CALN1: variants seen among roughly 807,000 people sequenced by gnomAD.
The protein encoded by CALN1 is calneuron 1.
CALN1 carries 17 observed loss-of-function variants against 30.6 expected under a neutral mutation model. The observed-to-expected ratio is 0.56, with a 90% confidence interval of 0.38 to 0.83. The LOEUF (loss-of-function observed/expected upper bound fraction) is 0.83. Ranked by LOEUF, CALN1 falls within the 40% of genes least tolerant of loss-of-function variation. The pLI is 0.00. For missense variants in CALN1, 291 were observed against 354.9 expected, an observed-to-expected ratio of 0.82 and a Z score of 1.45; for synonymous variants, 156 against 131.4, an observed-to-expected ratio of 1.19 and a Z score of -1.28.
chr7:72,327,290 T>C (rs1801346186), intron 2 of CALN1, among the ~76,000 whole-genome samples: 1 of 152,138 alleles, frequency 6.6e-6, no homozygotes, highest in African/African-American at 2.4e-5. Flanking sequence ...GGTCAGGAGT[T>C]TGACACCAGC....
At chr7:72,154,508 T>C (rs1787507966) in intron 3 of CALN1, among the ~76,000 whole-genome samples, 1 of 152,262 alleles carries the variant, frequency 6.6e-6, no homozygotes, top group Non-Finnish European at 1.5e-5. Context: ...GATACCAATG[T>C]GTCAGCAATG....
At chr7:72,336,431 C>T (rs1802043029) in intron 2 of CALN1, among the ~76,000 whole-genome samples, 1 of 152,056 alleles carries the variant, frequency 6.6e-6, no homozygotes, top group South Asian at 2.1e-4. Context: ...TCCGCCGCGG[C>T]CCTTCCCTAG....
chr7:72,063,651 A>G (rs979305679), intron 4 of CALN1, among the ~76,000 whole-genome samples: 2 of 152,204 alleles, frequency 1.3e-5, no homozygotes, highest in South Asian at 2.1e-4. Context: ...GTATAACTGA[A>G]TATCTATTTG....
At chr7:72,298,046 G>A (rs1798989566) in intron 2 of CALN1, among the ~76,000 whole-genome samples, 1 of 152,246 alleles carries the variant, frequency 6.6e-6, no homozygotes, top group South Asian at 2.1e-4. Flanking sequence ...TCACATAATA[G>A]TTGAGACATT....
chr7:72,381,016 G>T (rs1285166486), intron 2 of CALN1, among the ~76,000 whole-genome samples: 4 of 152,258 alleles, frequency 2.6e-5, no homozygotes, highest in Middle Eastern at 3.4e-3. Flanking sequence ...ACATCCAGCA[G>T]CTGAATAAAA....
At chr7:72,163,638 A>G (rs1013521155) in intron 3 of CALN1, among the ~76,000 whole-genome samples, 2 of 152,188 alleles carry the variant, frequency 1.3e-5, no homozygotes, top group Non-Finnish European at 2.9e-5. Context: ...GTATGATATC[A>G]GTAATAAAAA....
intron 3 of CALN1, among the ~76,000 whole-genome samples, chr7:72,194,234 C>G (rs1790828118): frequency 6.6e-6 from 1 of 152,188 alleles, no homozygotes; most frequent in Non-Finnish European, 1.5e-5. Context: ...TGCCATTAAC[C>G]AAGGCTAAAA....
chr7:72,141,792 C>T (rs1235751488), intron 3 of CALN1, among the ~76,000 whole-genome samples: 2 of 152,270 alleles, frequency 1.3e-5, no homozygotes, highest in African/African-American at 4.8e-5. Flanking sequence ...TGGTCTCCAA[C>T]TCCTGACCTC....
intron 5 of CALN1, among the ~76,000 whole-genome samples, chr7:71,865,747 G>A (rs1478704955): frequency 2.6e-5 from 4 of 152,052 alleles, no homozygotes; most frequent in Non-Finnish European, 5.9e-5. Context: ...AGGGTATTGA[G>A]TTTATTTATA....
At chr7:72,190,226 C>T (rs985579144) in intron 3 of CALN1, among the ~76,000 whole-genome samples, 1 of 152,116 alleles carries the variant, frequency 6.6e-6, no homozygotes, top group African/African-American at 2.4e-5. Flanking sequence ...CACGGTGGCA[C>T]ATCCAGCTAC....
intron 3 of CALN1, among the ~76,000 whole-genome samples, chr7:72,142,724 C>A (rs1424700771): frequency 2.6e-5 from 4 of 152,206 alleles, no homozygotes; most frequent in Non-Finnish European, 4.4e-5. Context: ...GAAGCACCCC[C>A]CAGTAGGGGC....
intron 3 of CALN1, among the ~76,000 whole-genome samples, chr7:72,134,708 T>G (rs1483218527): frequency 1.3e-5 from 2 of 152,218 alleles, no homozygotes; most frequent in African/African-American, 2.4e-5. Context: ...AAGGTGGTGG[T>G]TGCTGAAGTC....
intron 5 of CALN1, among the ~76,000 whole-genome samples, chr7:71,818,376 G>C (rs1788389033): frequency 6.6e-6 from 1 of 152,088 alleles, no homozygotes; most frequent in Admixed American, 6.6e-5. Flanking sequence ...AGCTTGACAT[G>C]TTCATTAACT....
At chr7:71,853,379 A>C (rs1283812161) in intron 5 of CALN1, among the ~76,000 whole-genome samples, 2 of 152,176 alleles carry the variant, frequency 1.3e-5, no homozygotes, top group Non-Finnish European at 2.9e-5. Flanking sequence ...ATATGTATAC[A>C]TTATGCAATG....
chr7:72,471,790 A>T, the CALN1 span, among the ~76,000 whole-genome samples: 1 of 152,048 alleles, frequency 6.6e-6, no homozygotes, highest in Admixed American at 6.6e-5. Flanking sequence ...GGGCGTCACA[A>T]TGGGGTCCTT....
chr7:71,971,775 C>G (rs1459319421), intron 5 of CALN1, among the ~76,000 whole-genome samples: 1 of 150,740 alleles, frequency 6.6e-6, no homozygotes, highest in Non-Finnish European at 1.5e-5. Context: ...GCATACACCT[C>G]TGGTCCCAGC....
chr7:72,280,945 C>A (rs182227652), intron 2 of CALN1, among the ~76,000 whole-genome samples: 1 of 152,178 alleles, frequency 6.6e-6, no homozygotes, highest in Non-Finnish European at 1.5e-5. Flanking sequence ...GAGTTCGAGA[C>A]CAGCCTGGCC....
At chr7:72,224,521 C>T (rs896408433) in intron 3 of CALN1, among the ~76,000 whole-genome samples, 6 of 152,166 alleles carry the variant, frequency 3.9e-5, no homozygotes, top group Admixed American at 1.3e-4. Flanking sequence ...TGGTGGCTCA[C>T]GTCTGTAATC....
At chr7:72,335,355 G>A (rs1419697175) in intron 2 of CALN1, among the ~76,000 whole-genome samples, 2 of 152,188 alleles carry the variant, frequency 1.3e-5, no homozygotes, top group African/African-American at 4.8e-5. Flanking sequence ...AGTTAAAGAA[G>A]CAGAACCTGA....
Sources: allele counts gnomAD v4.1 joint callset (sites outside exome capture counted in the v4.1 genomes callset), GRCh38; gene constraint gnomAD v4.1.1; transcripts MANE v1.5; gene names NCBI Gene and HGNC (gene_info 2026-07-23, HGNC 2026-07-21).